DRC8: variants seen among roughly 807,000 people sequenced by gnomAD.
DRC8 encodes the protein dynein regulatory complex protein 8.
chr1:245,005,786 A>C, the DRC8 span, among the ~76,000 whole-genome samples: 1 of 152,242 alleles, frequency 6.6e-6, no homozygotes, highest in Admixed American at 6.5e-5. Flanking sequence ...TGTATGCTAC[A>C]TGATTACATA....
chr1:245,102,826 G>A, the DRC8 span, among the ~76,000 whole-genome samples: 1 of 152,238 alleles, frequency 6.6e-6, no homozygotes, highest in African/African-American at 2.4e-5. Context: ...TCCTCATAAG[G>A]GAAAGAACAA....
At chr1:245,107,604 G>C in the DRC8 span, among the ~76,000 whole-genome samples, 1 of 152,214 alleles carries the variant, frequency 6.6e-6, no homozygotes, top group Non-Finnish European at 1.5e-5. Context: ...GTCACCTCCT[G>C]CCTTTGCTGT....
the DRC8 span, among the ~76,000 whole-genome samples, chr1:245,007,489 A>G: frequency 1.3e-5 from 2 of 152,152 alleles, no homozygotes; most frequent in Non-Finnish European, 2.9e-5. Flanking sequence ...GAATGTCTTT[A>G]TTTTTAGGAG....
chr1:244,980,040 TAAAAA>T, the DRC8 span, among the ~76,000 whole-genome samples: 9 of 34,758 alleles, frequency 2.6e-4, no homozygotes, highest in Middle Eastern at 0.025. Flanking sequence ...CCGTCTCTAC[TAAAAA>T]AAAAAAAAAA....
At chr1:245,077,739 A>T in the DRC8 span, among the ~76,000 whole-genome samples, 6 of 152,198 alleles carry the variant, frequency 3.9e-5, no homozygotes, top group African/African-American at 1.4e-4. Context: ...TGGATTAAAG[A>T]TTTAAATGTG....
At chr1:244,973,763 G>T in the DRC8 span, among the ~76,000 whole-genome samples, 1 of 152,034 alleles carries the variant, frequency 6.6e-6, no homozygotes, top group Non-Finnish European at 1.5e-5. Flanking sequence ...TTCTAAAGGG[G>T]GAATAAGTTT....
the DRC8 span, among the ~76,000 whole-genome samples, chr1:245,052,397 G>A: frequency 2.0e-5 from 3 of 152,218 alleles, no homozygotes; most frequent in Non-Finnish European, 4.4e-5. Context: ...GCTGAGTGTA[G>A]AGGACTGAGC....
the DRC8 span, among the ~76,000 whole-genome samples, chr1:245,045,547 T>G: frequency 0.011 from 1,635 of 152,292 alleles, 84 homozygotes; most frequent in East Asian, 0.14. Context: ...CATTGGCCAC[T>G]TCACGTCCAT....
At chr1:245,096,069 A>T in the DRC8 span, among the ~76,000 whole-genome samples, 1 of 152,274 alleles carries the variant, frequency 6.6e-6, no homozygotes, top group African/African-American at 2.4e-5. Flanking sequence ...GATTAGCTCC[A>T]GGAAGCACCA....
the DRC8 span, among the ~76,000 whole-genome samples, chr1:244,997,522 C>T: frequency 6.9e-6 from 1 of 145,902 alleles, no homozygotes; most frequent in Non-Finnish European, 1.5e-5. Flanking sequence ...AAATTCGTGC[C>T]ATCTTTTTTT....
the DRC8 span, chr1:244,970,641 GCCCCGCCCCGCCCCGCC>G: frequency 1.3e-4 from 12 of 91,580 alleles, no homozygotes; most frequent in Admixed American, 1.8e-3. Flanking sequence ...CCGCCGCTCC[GCCCCGCCCCGCCCCGCC>G]TCTCTCCCCC....
chr1:245,085,013 A>C, the DRC8 span, among the ~76,000 whole-genome samples: 1 of 152,374 alleles, frequency 6.6e-6, no homozygotes, highest in East Asian at 1.9e-4. Flanking sequence ...CCTAGGTTAT[A>C]TATCAGGCAA....
the DRC8 span, among the ~76,000 whole-genome samples, chr1:245,001,634 C>T: frequency 1.3e-5 from 2 of 152,234 alleles, no homozygotes; most frequent in East Asian, 1.9e-4. Flanking sequence ...GACTTTACCC[C>T]GTAGATGGTG....
At chr1:245,065,924 TG>T in the DRC8 span, among the ~76,000 whole-genome samples, 1 of 151,936 alleles carries the variant, frequency 6.6e-6, no homozygotes, top group Non-Finnish European at 1.5e-5. Context: ...AGTCACTTAG[TG>T]GGGAAAACTG....
the DRC8 span, among the ~76,000 whole-genome samples, chr1:244,983,101 A>G: frequency 1.3e-5 from 2 of 152,156 alleles, no homozygotes; most frequent in African/African-American, 4.8e-5. Context: ...GCTTGTTAAA[A>G]CATAGATTGT....
the DRC8 span, among the ~76,000 whole-genome samples, chr1:245,016,287 T>C: frequency 5.3e-5 from 8 of 152,232 alleles, no homozygotes; most frequent in Non-Finnish European, 8.8e-5. Flanking sequence ...AGCCAAGGCC[T>C]CTTTACAATC....
chr1:245,018,151 C>A, the DRC8 span, among the ~76,000 whole-genome samples: 4 of 145,832 alleles, frequency 2.7e-5, no homozygotes, highest in African/African-American at 7.7e-5. Context: ...CACTTGTACC[C>A]GGGAGGCAGA....
At chr1:245,089,276 A>T in the DRC8 span, among the ~76,000 whole-genome samples, 8 of 152,284 alleles carry the variant, frequency 5.3e-5, no homozygotes, top group African/African-American at 1.9e-4. This position sits in a 1 kb window ranked among gnomAD's most constrained non-coding sequence, Gnocchi z 4.8. Context: ...GACATTCAAT[A>T]ATCAATTGGA....
the DRC8 span, among the ~76,000 whole-genome samples, chr1:245,083,228 T>A: frequency 6.6e-6 from 1 of 152,120 alleles, no homozygotes; most frequent in African/African-American, 2.4e-5. Context: ...GTGTTAGGGA[T>A]CTAAGTTGCA....
Sources: gnomAD v4.1 joint callset for allele counts (sites outside exome capture counted in the v4.1 genomes callset) on GRCh38, gnomAD v4.1.1 for gene constraint, Gnocchi (gnomAD v3.1) non-coding constraint, MANE v1.5 for transcripts, NCBI Gene and HGNC (gene_info 2026-07-23, HGNC 2026-07-21) for gene names.